The following LRP1B variants were observed in gnomAD, a reference collection of about 807,000 sequenced individuals.
LRP1B encodes LDL receptor related protein 1B, also known as low-density lipoprotein receptor-related protein 1B.
LRP1B carries 217 observed loss-of-function variants against 556.6 expected under a neutral mutation model. That is an observed-to-expected ratio of 0.39 (90% CI 0.35 to 0.44). The LOEUF (loss-of-function observed/expected upper bound fraction) is 0.44, where lower values mean the gene tolerates loss of function less well. Among genes scored for constraint, LRP1B ranks in the 20% least tolerant of loss-of-function variants. The pLI is 1.00. For synonymous variants in LRP1B, 2,047 were observed against 1,865.8 expected (o/e 1.10, Z -2.50); for missense variants, 5,053 against 5,620.8 (o/e 0.90, Z 3.23).
chr2:141,648,040 T>C (rs1477290600), intron 2 of LRP1B, among the ~76,000 whole-genome samples: 1 of 152,156 alleles, frequency 6.6e-6, no homozygotes, highest in Non-Finnish European at 1.5e-5. Flanking sequence ...TGAGACTTCT[T>C]ATGTTGTCTC....
chr2:140,573,905 T>C (rs992333393), intron 43 of LRP1B, among the ~76,000 whole-genome samples: 2 of 152,018 alleles, frequency 1.3e-5, no homozygotes, highest in Admixed American at 1.3e-4. Flanking sequence ...AGAGTAAAAA[T>C]AATTAATTAA....
At chr2:140,512,758 A>T (rs1689720619) in intron 51 of LRP1B, among the ~76,000 whole-genome samples, 1 of 152,160 alleles carries the variant, frequency 6.6e-6, no homozygotes, top group South Asian at 2.1e-4. Flanking sequence ...TTTGAATTGG[A>T]AATTGGGAAA....
At chr2:141,802,095 T>A (rs1567307) in intron 2 of LRP1B, among the ~76,000 whole-genome samples, 2 of 152,030 alleles carry the variant, frequency 1.3e-5, no homozygotes, top group Non-Finnish European at 2.9e-5. Flanking sequence ...AAATTCATGC[T>A]GAATTCTAAG....
intron 1 of LRP1B, among the ~76,000 whole-genome samples, chr2:141,819,878 T>C (rs1285663101): frequency 6.6e-6 from 1 of 152,200 alleles, no homozygotes; most frequent in African/African-American, 2.4e-5. Context: ...AATTATTATA[T>C]GTCAAAAATA....
intron 1 of LRP1B, among the ~76,000 whole-genome samples, chr2:141,860,160 G>A (rs963489701): frequency 3.9e-5 from 6 of 152,120 alleles, no homozygotes; most frequent in Non-Finnish European, 7.3e-5. Flanking sequence ...AAATTCCCAT[G>A]TGTCTGTGGG....
At chr2:142,094,995 C>T (rs1706306984) in intron 1 of LRP1B, among the ~76,000 whole-genome samples, 1 of 151,646 alleles carries the variant, frequency 6.6e-6, no homozygotes, top group Non-Finnish European at 1.5e-5. Flanking sequence ...ATATTTGTAG[C>T]ATCTATGTGA....
At chr2:141,577,325 CTA>C (rs1202062547) in intron 2 of LRP1B, among the ~76,000 whole-genome samples, 30 of 152,294 alleles carry the variant, frequency 2.0e-4, no homozygotes, top group African/African-American at 7.0e-4. Flanking sequence ...GTGACCTACA[CTA>C]CCAGGGAAAA....
At chr2:140,972,087 T>C (rs1696443391) in intron 18 of LRP1B, among the ~76,000 whole-genome samples, 1 of 152,134 alleles carries the variant, frequency 6.6e-6, no homozygotes, top group Non-Finnish European at 1.5e-5. Context: ...GGCTTTAACC[T>C]CCCACTTTTC....
At chr2:140,872,218 T>C (rs1463471094) in intron 25 of LRP1B, among the ~76,000 whole-genome samples, 3 of 151,814 alleles carry the variant, frequency 2.0e-5, no homozygotes, top group Non-Finnish European at 4.4e-5. Flanking sequence ...TATAATAGTC[T>C]GGAGTTCCTC....
intron 3 of LRP1B, among the ~76,000 whole-genome samples, chr2:141,320,983 T>C (rs995020909): frequency 3.3e-5 from 5 of 152,110 alleles, no homozygotes; most frequent in South Asian, 2.1e-4. Flanking sequence ...GGTTATAAGA[T>C]ATAACAAAAT....
At chr2:140,754,578 T>C (rs1422149596) in intron 35 of LRP1B, among the ~76,000 whole-genome samples, 1 of 151,798 alleles carries the variant, frequency 6.6e-6, no homozygotes, top group Non-Finnish European at 1.5e-5. Flanking sequence ...AAATGACAAA[T>C]GAGTCAAAAA....
At chr2:141,299,474 T>C (rs1686306705) in intron 3 of LRP1B, among the ~76,000 whole-genome samples, 1 of 152,212 alleles carries the variant, frequency 6.6e-6, no homozygotes, top group Non-Finnish European at 1.5e-5. Flanking sequence ...TATTAAATGA[T>C]TTTATTCACT....
At chr2:140,836,612 G>A (rs888273947) in intron 31 of LRP1B, among the ~76,000 whole-genome samples, 1 of 152,168 alleles carries the variant, frequency 6.6e-6, no homozygotes, top group African/African-American at 2.4e-5. Flanking sequence ...GTAGGGAGAT[G>A]GGAGACAATA....
At chr2:140,821,531 T>C (rs543608499) in intron 31 of LRP1B, among the ~76,000 whole-genome samples, 1 of 152,336 alleles carries the variant, frequency 6.6e-6, no homozygotes, top group South Asian at 2.1e-4. Context: ...TCCAAGACTT[T>C]TTTAAAAAAT....
intron 43 of LRP1B, among the ~76,000 whole-genome samples, chr2:140,596,110 G>A (rs1214463824): frequency 1.3e-5 from 2 of 152,100 alleles, no homozygotes; most frequent in Non-Finnish European, 2.9e-5. Context: ...ACAGGCCATA[G>A]TAGAGTTGCT....
intron 41 of LRP1B, among the ~76,000 whole-genome samples, chr2:140,629,283 G>C (rs1175852357): frequency 6.6e-6 from 1 of 150,670 alleles, no homozygotes; most frequent in East Asian, 2.0e-4. Context: ...GACTAGGCTG[G>C]TCTCAAACTC....
At chr2:142,090,857 A>T (rs2104949081) in intron 1 of LRP1B, among the ~76,000 whole-genome samples, 1 of 152,284 alleles carries the variant, frequency 6.6e-6, no homozygotes, top group South Asian at 2.1e-4. Flanking sequence ...ATGCACTAAT[A>T]TGAGAAGCTA....
intron 45 of LRP1B, among the ~76,000 whole-genome samples, chr2:140,539,692 G>A (rs1011800600): frequency 6.6e-6 from 1 of 152,016 alleles, no homozygotes; most frequent in African/African-American, 2.4e-5. Flanking sequence ...CTAACACTCC[G>A]GGCTTACAGA....
intron 3 of LRP1B, among the ~76,000 whole-genome samples, chr2:141,416,215 G>C (rs1691094063): frequency 6.6e-6 from 1 of 152,156 alleles, no homozygotes; most frequent in African/African-American, 2.4e-5. Context: ...TAGCGACAGA[G>C]TAGAGCAGTT....
Sources: allele counts gnomAD v4.1 joint callset (sites outside exome capture counted in the v4.1 genomes callset), GRCh38; gene constraint gnomAD v4.1.1; transcripts MANE v1.5; gene names NCBI Gene and HGNC (gene_info 2026-07-23, HGNC 2026-07-21).